RSRC1: variants seen among roughly 807,000 people sequenced by gnomAD.
The protein encoded by RSRC1 is arginine and serine rich coiled-coil 1, also known as serine/Arginine-related protein 53.
In RSRC1, 39 loss-of-function variants were observed where a neutral mutation model predicts 49.1. The observed-to-expected ratio is 0.79, with a 90% CI of 0.61 to 1.04. RSRC1 has a LOEUF of 1.04. Ranked by LOEUF, RSRC1 falls within the 50% of genes least tolerant of loss-of-function variation. RSRC1 has a pLI of 0.00. For missense variants in RSRC1, 388 were observed against 402.4 expected (o/e 0.96, Z 0.31); for synonymous variants, 143 against 130.8 (o/e 1.09, Z -0.63).
intron 6 of RSRC1, among the ~76,000 whole-genome samples, chr3:158,397,294 G>A (rs1733663388): frequency 6.6e-6 from 1 of 152,134 alleles, no homozygotes; most frequent in African/African-American, 2.4e-5. Context: ...AGATAGTCAT[G>A]GAATTTGTGT....
intron 6 of RSRC1, among the ~76,000 whole-genome samples, chr3:158,451,505 A>G (rs537071589): frequency 3.6e-4 from 55 of 152,156 alleles, no homozygotes; most frequent in African/African-American, 1.3e-3. Flanking sequence ...GTGACCTAGA[A>G]AGAGACCCTG....
At chr3:158,510,678 A>AT (rs1409694096) in intron 7 of RSRC1, among the ~76,000 whole-genome samples, 1 of 152,122 alleles carries the variant, frequency 6.6e-6, no homozygotes, top group Non-Finnish European at 1.5e-5. Context: ...TTTTTAAGCT[A>AT]TTTTTAAATG....
At chr3:158,413,888 G>A (rs1247279999) in intron 6 of RSRC1, among the ~76,000 whole-genome samples, 1 of 152,170 alleles carries the variant, frequency 6.6e-6, no homozygotes, top group Admixed American at 6.5e-5. Flanking sequence ...CTGTTGGTGG[G>A]AATGTAAATT....
chr3:158,538,094 A>G (rs1712819616), intron 8 of RSRC1, among the ~76,000 whole-genome samples: 1 of 151,892 alleles, frequency 6.6e-6, no homozygotes, highest in Non-Finnish European at 1.5e-5. Context: ...CCTCCCACAG[A>G]TATCTTGGTT....
intron 7 of RSRC1, among the ~76,000 whole-genome samples, chr3:158,470,112 T>C (rs1364803257): frequency 6.6e-6 from 1 of 152,054 alleles, no homozygotes; most frequent in Non-Finnish European, 1.5e-5. Context: ...CATGCTAATA[T>C]GTATTTTAAA....
intron 6 of RSRC1, among the ~76,000 whole-genome samples, chr3:158,361,630 A>T (rs1453027154): frequency 2.0e-5 from 3 of 152,236 alleles, no homozygotes; most frequent in Non-Finnish European, 4.4e-5. Flanking sequence ...AGTTGCTTAC[A>T]AAATCAGTGT....
intron 6 of RSRC1, among the ~76,000 whole-genome samples, chr3:158,423,900 T>A (rs1404459757): frequency 2.6e-5 from 4 of 151,018 alleles, no homozygotes; most frequent in African/African-American, 4.9e-5. Context: ...TAAGAATGCT[T>A]GTGATTTTTG....
intron 7 of RSRC1, among the ~76,000 whole-genome samples, chr3:158,514,328 G>A (rs911348959): frequency 2.6e-5 from 4 of 152,028 alleles, no homozygotes; most frequent in African/African-American, 4.8e-5. Context: ...CTTTCTTCTC[G>A]TTGATTTCAA....
chr3:158,193,174 C>T (rs915542655), intron 3 of RSRC1, among the ~76,000 whole-genome samples: 1 of 151,966 alleles, frequency 6.6e-6, no homozygotes, highest in Non-Finnish European at 1.5e-5. Flanking sequence ...AAGAGATGCT[C>T]AGAGAGGAAA....
At chr3:158,148,277 G>A (rs991532999) in intron 3 of RSRC1, among the ~76,000 whole-genome samples, 13 of 152,110 alleles carry the variant, frequency 8.5e-5, no homozygotes, top group Non-Finnish European at 1.3e-4. Flanking sequence ...TCATTGGAAT[G>A]TTCAGTTGGG....
At chr3:158,519,568 T>C (rs1327077174) in intron 7 of RSRC1, among the ~76,000 whole-genome samples, 1 of 151,934 alleles carries the variant, frequency 6.6e-6, no homozygotes, top group East Asian at 1.9e-4. Context: ...TTAAGAACCC[T>C]GAAGAAGGCC....
At chr3:158,492,708 T>C (rs956498137) in intron 7 of RSRC1, among the ~76,000 whole-genome samples, 4 of 152,202 alleles carry the variant, frequency 2.6e-5, no homozygotes, top group Admixed American at 2.6e-4. Flanking sequence ...TTATTTCCTC[T>C]TTTTCCTATT....
rs1196533705 is a variant in RSRC1, at chr3:158,276,247, A to C, written c.495-21792A>C. The C allele has an allele frequency of 5.2e-6, 4 of 772,288 alleles. No individual in the cohort carries two copies. The Admixed American group carries it at 6.8e-5, about 13-fold the overall frequency. The allele number at this position is 772,288 out of a possible 1,614,324, so 47.8% of individuals were successfully genotyped here. On this transcript the variant is annotated intron_variant, in intron 4 of 9. Transcript: ENST00000611884. ...CGAATACGAATCCTATATATAATGT[A>C]ACCTTTCTTGGCCTTGCAGCCCAGT...
At chr3:158,364,428 C>A (rs2108256824) in intron 6 of RSRC1, among the ~76,000 whole-genome samples, 1 of 152,126 alleles carries the variant, frequency 6.6e-6, no homozygotes, top group South Asian at 2.1e-4. Flanking sequence ...CTTCTTTTTT[C>A]CCCTATATAG....
At chr3:158,161,314 A>C (rs985069158) in intron 3 of RSRC1, among the ~76,000 whole-genome samples, 4 of 152,230 alleles carry the variant, frequency 2.6e-5, no homozygotes, top group African/African-American at 9.6e-5. Context: ...ATCAGCCCCT[A>C]CTCAAAACAG....
chr3:158,283,787 A>C (rs978308439), intron 4 of RSRC1, among the ~76,000 whole-genome samples: 15 of 152,154 alleles, frequency 9.9e-5, no homozygotes, highest in Non-Finnish European at 1.8e-4. Context: ...TGCCCTCCAG[A>C]AAACCTGTGT....
At chr3:158,509,036 A>G (rs185820424) in intron 7 of RSRC1, among the ~76,000 whole-genome samples, 2 of 152,304 alleles carry the variant, frequency 1.3e-5, no homozygotes, top group South Asian at 2.1e-4. Flanking sequence ...TTTTTGTTAC[A>G]TCAGCTTATG....
chr3:158,205,986 G>C (rs1461063235), intron 4 of RSRC1, among the ~76,000 whole-genome samples: 4 of 152,258 alleles, frequency 2.6e-5, no homozygotes, highest in African/African-American at 7.2e-5. Flanking sequence ...TTTGGTCTCT[G>C]TTGCAGCTAC....
intron 7 of RSRC1, among the ~76,000 whole-genome samples, chr3:158,502,365 A>AT (rs56154924): frequency 0.21 from 31,177 of 152,016 alleles, 3,726 homozygotes; most frequent in South Asian, 0.3. Context: ...TTTGCAGTGA[A>AT]TTTCCTGGGT....
Sources: allele counts gnomAD v4.1 joint callset (sites outside exome capture counted in the v4.1 genomes callset), GRCh38; gene constraint gnomAD v4.1.1; transcripts MANE v1.5; gene names NCBI Gene and HGNC (gene_info 2026-07-23, HGNC 2026-07-21).